Variants in SNRK observed in about 807,000 individuals in gnomAD.
SNRK encodes SNF related kinase.
In SNRK, 3 loss-of-function variants were observed where a neutral mutation model predicts 48.2. The ratio of observed to expected loss-of-function variants is 0.06; its 90% CI spans 0.03 to 0.16. SNRK has a LOEUF of 0.16. SNRK is among the 10% of genes least tolerant of loss of function. The pLI is 1.00. For missense variants in SNRK, 627 were observed against 976.0 expected, an observed-to-expected ratio of 0.64 and a Z score of 4.76; for synonymous variants, 376 against 366.1, an observed-to-expected ratio of 1.03 and a Z score of -0.31.
At chr3:43,293,095 CTTTTCT>C (rs1007122888) in intron 1 of SNRK, among the ~76,000 whole-genome samples, 1 of 152,112 alleles carries the variant, frequency 6.6e-6, no homozygotes, top group African/African-American at 2.4e-5. Flanking sequence ...GCATACCTTT[CTTTTCT>C]TTTTCTTTTT....
intron 3 of SNRK, among the ~76,000 whole-genome samples, chr3:43,309,670 G>A (rs1420248553): frequency 6.7e-6 from 1 of 150,204 alleles, no homozygotes; most frequent in Non-Finnish European, 1.5e-5. Flanking sequence ...AGGCTGGAGT[G>A]TAGTGGCATG....
chr3:43,349,968 G>T lies in SNRK; in HGVS notation c.*1411G>T, dbSNP rs963409180. The T allele has an allele frequency of 6.6e-6, 1 of 152,140 alleles. No individual in the cohort carries two copies. Among genetic ancestry groups the T allele is most frequent in the African/African-American group, 2.4e-5 (1 of 41,418 alleles). The allele number at this position is 152,140 out of a possible 1,614,324, so 9.4% of individuals were successfully genotyped here. ...TGTGTCTGAGGTGACGGACTGAGAC[G>T]CATCTGGTCCTGTAATTCAGAGAGT... is the stretch of plus-strand genomic sequence containing the variant. On this transcript the variant is annotated 3_prime_UTR_variant, in exon 7 of 7. Coordinates refer to ENST00000296088, the MANE Select transcript of SNRK (RefSeq NM_017719.5).
At position 43,349,978 on chromosome 3, in the gene SNRK, C is replaced by G. The variant is rs2091310697; in HGVS notation, c.*1421C>G. 1 of 152,172 alleles carries G rather than the reference C, an allele frequency of 6.6e-6. No homozygotes were observed. 9.4% of individuals were successfully genotyped at this position (152,172 alleles called of 1,614,324 possible). A position where few individuals can be genotyped will look rare whatever the true frequency, so the allele number is the denominator to read the frequency against. On this transcript the variant is annotated 3_prime_UTR_variant, in exon 7 of 7. Transcript: ENST00000296088. ...GTGACGGACTGAGACGCATCTGGTC[C>G]TGTAATTCAGAGAGTGGGCACATCA...
intron 4 of SNRK, among the ~76,000 whole-genome samples, chr3:43,336,346 T>TA (rs887746948): frequency 9.9e-5 from 15 of 151,826 alleles, no homozygotes; most frequent in African/African-American, 3.6e-4. Context: ...TTTCTTTTCT[T>TA]AGACAGGGTC....
chr3:43,313,536 T>TA (rs2090993840), intron 3 of SNRK, among the ~76,000 whole-genome samples: 1 of 152,132 alleles, frequency 6.6e-6, no homozygotes. Flanking sequence ...TGCCAGGAAT[T>TA]AGAGATCGTG....
In SNRK at chr3:43,303,491, T is replaced by C. The variant is rs2090913375; in HGVS notation, c.288T>C (p.Asp96=). 1 of 1,614,004 alleles carries C rather than the reference T, an allele frequency of 6.2e-7. No homozygotes were observed. Among genetic ancestry groups the C allele is most frequent in the African/African-American group, 1.3e-5 (1 of 74,914 alleles). ...TKLYLILELG[D]GGDMFDYIMK... ...TATATCTTATTCTAGAACTTGGGGATGGAGGAGATATGTTTGATTATATAA... is the reference window on the plus strand; with the variant it reads ...TATATCTTATTCTAGAACTTGGGGACGGAGGAGATATGTTTGATTATATAA... Residue 96 remains aspartate (D), a synonymous_variant, in exon 3 of 7, where the codon GAT becomes GAC. Transcript: ENST00000296088. The surrounding 1 kb of genome is among the most constrained non-coding windows in gnomAD (Gnocchi z 6.2).
chr3:43,289,717 T>A (rs2090795244), intron 1 of SNRK: 1 of 152,710 alleles, frequency 6.5e-6, no homozygotes, highest in African/African-American at 2.4e-5. Flanking sequence ...CCTGAACATT[T>A]ATTTCTCTGC....
intron 1 of SNRK, among the ~76,000 whole-genome samples, chr3:43,298,804 C>T (rs2090877010): frequency 6.6e-6 from 1 of 152,216 alleles, no homozygotes; most frequent in African/African-American, 2.4e-5. Context: ...GTGATTTGCT[C>T]ACATTCCTTT....
At chr3:43,337,223 G>A (rs1318425651) in intron 4 of SNRK, among the ~76,000 whole-genome samples, 2 of 151,766 alleles carry the variant, frequency 1.3e-5, no homozygotes, top group Admixed American at 6.6e-5. Flanking sequence ...ACAGGCACAC[G>A]CCACCACATC....
intron 3 of SNRK, among the ~76,000 whole-genome samples, chr3:43,311,291 A>C (rs1234357804): frequency 6.6e-6 from 1 of 152,156 alleles, no homozygotes; most frequent in African/African-American, 2.4e-5. Context: ...GTCTGGGTGC[A>C]GTTCTTTCCT....
intron 4 of SNRK, among the ~76,000 whole-genome samples, chr3:43,338,548 G>A (rs1204334877): frequency 6.6e-6 from 1 of 152,170 alleles, no homozygotes; most frequent in African/African-American, 2.4e-5. Flanking sequence ...TAGGCTTAGT[G>A]GTTCAAGATG....
chr3:43,343,534 T>C, intron 6 of SNRK, 56 bp downstream of exon 6: 1 of 303,438 alleles, frequency 3.3e-6, no homozygotes, highest in Non-Finnish European at 5.1e-6. Flanking sequence ...AATAGCGAAC[T>C]TTTTTTTTTT....
chr3:43,346,223 AT>A (rs996704839), intron 6 of SNRK, among the ~76,000 whole-genome samples: 1 of 151,624 alleles, frequency 6.6e-6, no homozygotes, highest in African/African-American at 2.4e-5. Context: ...TCAAATTTAA[AT>A]TTTTTTTTAA....
At chr3:43,291,064 G>C (rs181621760) in intron 1 of SNRK, among the ~76,000 whole-genome samples, 1 of 152,136 alleles carries the variant, frequency 6.6e-6, no homozygotes, top group South Asian at 2.1e-4. Context: ...TCAGGAAGTC[G>C]TCCTTTAAGC....
chr3:43,332,766 CATA>C (rs1274471242), intron 4 of SNRK: 1 of 152,402 alleles, frequency 6.6e-6, no homozygotes, highest in Non-Finnish European at 1.5e-5. Flanking sequence ...TAGTATGTCT[CATA>C]ATTTTCTTCA....
At chr3:43,291,271 A>G (rs1164715963) in intron 1 of SNRK, among the ~76,000 whole-genome samples, 1 of 152,186 alleles carries the variant, frequency 6.6e-6, no homozygotes, top group Non-Finnish European at 1.5e-5. Flanking sequence ...TCAAACACAC[A>G]AAATTTATTT....
intron 1 of SNRK, among the ~76,000 whole-genome samples, chr3:43,293,044 G>A (rs1216331131): frequency 4.6e-5 from 7 of 152,176 alleles, no homozygotes; most frequent in Admixed American, 6.5e-5. Context: ...ATTTGTTAAT[G>A]AAAATGACTT....
intron 4 of SNRK, 133 bp from the exon 5 acceptor site, chr3:43,340,154 C>T (rs1462331937): frequency 2.8e-5 from 20 of 714,820 alleles, no homozygotes; most frequent in Admixed American, 6.7e-5. Flanking sequence ...TTATTCCCAT[C>T]TGCCCCACTG....
intron 3 of SNRK, among the ~76,000 whole-genome samples, chr3:43,322,681 A>G (rs2091062892): frequency 6.6e-6 from 1 of 152,206 alleles, no homozygotes; most frequent in African/African-American, 2.4e-5. Flanking sequence ...GGCCGGGTGC[A>G]GTGGCTCATG....
Sources: gnomAD v4.1 joint callset for allele counts (sites outside exome capture counted in the v4.1 genomes callset) on GRCh38, gnomAD v4.1.1 for gene constraint, Gnocchi (gnomAD v3.1) non-coding constraint, MANE v1.5 for transcripts, NCBI Gene and HGNC (gene_info 2026-07-23, HGNC 2026-07-21) for gene names.